The following AKIRIN1 variants were observed in gnomAD, a reference collection of about 807,000 sequenced individuals.
AKIRIN1 encodes the protein akirin-1.
AKIRIN1 carries 4 observed loss-of-function variants against 25.9 expected under a neutral mutation model. The observed-to-expected ratio is 0.15, with a 90% CI of 0.08 to 0.35. The LOEUF (loss-of-function observed/expected upper bound fraction) is 0.35. Ranked by LOEUF, AKIRIN1 falls within the 10% of genes least tolerant of loss-of-function variation. AKIRIN1 has a pLI of 1.00. For missense variants in AKIRIN1, 243 were observed against 266.1 expected (o/e 0.91, Z 0.61); for synonymous variants, 125 against 105.1 (o/e 1.19, Z -1.16).
chr1:38,992,994 C>T (rs1264392757), intron 1 of AKIRIN1, among the ~76,000 whole-genome samples: 1 of 152,168 alleles, frequency 6.6e-6, no homozygotes, highest in African/African-American at 2.4e-5. Flanking sequence ...CAAAGACAGG[C>T]GCCATAGATG....
chr1:38,998,715 C>G (rs1643965958), intron 2 of AKIRIN1, among the ~76,000 whole-genome samples: 1 of 151,828 alleles, frequency 6.6e-6, no homozygotes, highest in Non-Finnish European at 1.5e-5. Context: ...ACCGGCCTGG[C>G]CAACATGGCA....
chr1:38,992,314 T>G (rs1271950953), intron 1 of AKIRIN1, among the ~76,000 whole-genome samples: 1 of 152,148 alleles, frequency 6.6e-6, no homozygotes, highest in Non-Finnish European at 1.5e-5. Context: ...GGCGTTCCAC[T>G]TTGTCCAAGG....
chr1:38,994,794 A>G (rs1643935399), intron 1 of AKIRIN1, among the ~76,000 whole-genome samples: 1 of 146,512 alleles, frequency 6.8e-6, no homozygotes, highest in Non-Finnish European at 1.5e-5. Context: ...GACTCAAGCG[A>G]TTCTCCTGCC....
rs1439512294 is a variant in AKIRIN1 at position 38,991,511 on chromosome 1, AGCC to A, written c.142_144del (p.Pro48del). The A allele has an allele frequency of 1.5e-5, 22 of 1,452,298 alleles. No individual in the cohort carries two copies. The highest frequency in any genetic ancestry group is 4.1e-5 in the South Asian group (3 of 73,630). The allele number at this position is 1,452,298 out of a possible 1,614,324, so 90.0% of individuals were successfully genotyped here. On this transcript the variant is annotated inframe_deletion, in exon 1 of 5. Transcript: ENST00000432648. ...CCGGGCCTCAGGCCCCCGGACGCCG[AGCC>A]GCCGCCGCCGTTTCAGACGCAGACC...
At position 39,001,115 on chromosome 1, in the gene AKIRIN1, A is replaced by G; in HGVS notation, c.496+9A>G. ...CAATACCAAACTAGCAGGTAGGCCC[A>G]GGCAGTGACTGCCATTGTCATTAAC... On this transcript the variant is annotated intron_variant, in intron 3 of 4. Coordinates refer to ENST00000432648, the MANE Select transcript of AKIRIN1 (RefSeq NM_024595.3). 1.2e-6 allele frequency: 2 copies of G among 1,602,686 alleles called. No homozygotes were observed. Among genetic ancestry groups the G allele is most frequent in the South Asian group, 1.1e-5 (1 of 89,376 alleles).
At chr1:38,995,495 C>A (rs532305440) in intron 1 of AKIRIN1, among the ~76,000 whole-genome samples, 2 of 152,278 alleles carry the variant, frequency 1.3e-5, no homozygotes, top group South Asian at 4.1e-4. Context: ...TGGCCTTCTA[C>A]AGAAGAAAAT....
At position 38,991,547 on chromosome 1, in the gene AKIRIN1, A is replaced by T; in HGVS notation, c.167A>T (p.Gln56Leu). The T allele has an allele frequency of 6.9e-7, 1 of 1,449,002 alleles. No individual in the cohort carries two copies. 89.8% of individuals were successfully genotyped at this position (1,449,002 alleles called of 1,614,324 possible). Residue 56 changes from glutamine (Q) to leucine (L), a missense_variant, in exon 1 of 5, where the codon CAG becomes CTG. This residue lies in a region of AKIRIN1 where 190 missense variants were observed against 174.4 expected (regional missense o/e 1.09). Transcript: ENST00000432648. ...PPPFQTQTPP[Q>L]SLQQPAPPGS... ...CCGTTTCAGACGCAGACCCCACCGC[A>T]GAGTCTGCAGCAGCCCGCCCCGCCC...
intron 4 of AKIRIN1, among the ~76,000 whole-genome samples, chr1:39,003,841 G>A (rs1644012348): frequency 6.6e-6 from 1 of 152,170 alleles, no homozygotes; most frequent in Non-Finnish European, 1.5e-5. Flanking sequence ...GCAACTACCA[G>A]ATATTCAAAG....
chr1:38,994,214 A>G (rs989595630), intron 1 of AKIRIN1, among the ~76,000 whole-genome samples: 1 of 152,152 alleles, frequency 6.6e-6, no homozygotes. Flanking sequence ...CATTTGGGGT[A>G]AGGGATGTTC....
At chr1:39,000,196 T>G (rs1033499117) in intron 2 of AKIRIN1, among the ~76,000 whole-genome samples, 1 of 151,938 alleles carries the variant, frequency 6.6e-6, no homozygotes, top group African/African-American at 2.4e-5. Context: ...GCTGCTGCTT[T>G]TATCATGATC....
chr1:38,992,820 C>T (rs1033393395), intron 1 of AKIRIN1, among the ~76,000 whole-genome samples: 1 of 152,134 alleles, frequency 6.6e-6, no homozygotes, highest in African/African-American at 2.4e-5. Flanking sequence ...TTTTTCCCTT[C>T]TATTTGCTAA....
intron 3 of AKIRIN1, among the ~76,000 whole-genome samples, chr1:39,002,025 A>G (rs1001262162): frequency 6.6e-6 from 1 of 152,238 alleles, no homozygotes; most frequent in African/African-American, 2.4e-5. Flanking sequence ...TTGTGAAAGA[A>G]AGAGATCTGA....
intron 3 of AKIRIN1, among the ~76,000 whole-genome samples, chr1:39,002,654 G>A (rs937204668): frequency 1.3e-5 from 2 of 152,050 alleles, no homozygotes; most frequent in East Asian, 1.9e-4. Context: ...GGCGTGAATC[G>A]GGGAGGCAGA....
chr1:38,999,046 G>C (rs1376828778), intron 2 of AKIRIN1, among the ~76,000 whole-genome samples: 2 of 152,088 alleles, frequency 1.3e-5, no homozygotes, highest in African/African-American at 2.4e-5. Context: ...TGGTCAAAGA[G>C]GATGTGCTAA....
intron 1 of AKIRIN1, among the ~76,000 whole-genome samples, chr1:38,994,070 CA>C (rs796908682): frequency 0.065 from 7,693 of 119,162 alleles, 524 homozygotes; most frequent in African/African-American, 0.2. Context: ...AACTCCATCT[CA>C]AAAAAAAAAA....
At chr1:39,001,816 CAG>C (rs1279740194) in intron 3 of AKIRIN1, among the ~76,000 whole-genome samples, 3 of 152,154 alleles carry the variant, frequency 2.0e-5, no homozygotes, top group African/African-American at 4.8e-5. Flanking sequence ...GGCTGGTAAA[CAG>C]ATGGTTGTGA....
intron 1 of AKIRIN1, 123 bp from the exon 2 acceptor site, chr1:38,998,048 C>T: frequency 9.3e-7 from 1 of 1,073,830 alleles, no homozygotes; most frequent in Non-Finnish European, 1.3e-6. Context: ...GAGATTGAGA[C>T]CTACATGCCA....
In AKIRIN1 at chr1:38,992,283, A is replaced by C. The variant is rs188289484; in HGVS notation, c.220+683A>C. On this transcript the variant is annotated intron_variant, in intron 1 of 4. Transcript: ENST00000432648. Reference sequence around the variant, plus strand: ...AGAACTAAGAATGTAACTGTCCTTAACAGGGACTCTCCTTCAGTAAGGCGT... The same window carrying C: ...AGAACTAAGAATGTAACTGTCCTTACCAGGGACTCTCCTTCAGTAAGGCGT... 2.0e-5 allele frequency among the ~76,000 whole-genome samples: 3 copies of C among 152,310 alleles called. No homozygotes were observed. The East Asian group carries it at 5.8e-4, about 29-fold the overall frequency.
intron 2 of AKIRIN1, among the ~76,000 whole-genome samples, chr1:39,000,592 C>T (rs532516188): frequency 7.3e-5 from 11 of 151,640 alleles, no homozygotes; most frequent in African/African-American, 2.2e-4. Context: ...TCAGGTGATC[C>T]GCCCACCTCG....
Sources: allele counts gnomAD v4.1 joint callset (sites outside exome capture counted in the v4.1 genomes callset), GRCh38; gene constraint gnomAD v4.1.1; regional missense constraint gnomAD v4.1.1; transcripts MANE v1.5; gene names NCBI Gene and HGNC (gene_info 2026-07-23, HGNC 2026-07-21).